INTS3: variants seen among roughly 807,000 people sequenced by gnomAD.
INTS3 encodes the protein SOSS complex subunit A.
In INTS3, 34 loss-of-function variants were observed where a neutral mutation model predicts 146.3. That is an observed-to-expected ratio of 0.23 (90% confidence interval 0.18 to 0.31). The LOEUF is 0.31. Among genes scored for constraint, INTS3 ranks in the 10% least tolerant of loss-of-function variants. The pLI is 1.00. For synonymous variants in INTS3, 475 were observed against 494.9 expected, an observed-to-expected ratio of 0.96 and a Z score of 0.53; for missense variants, 757 against 1,304.2, an observed-to-expected ratio of 0.58 and a Z score of 6.46.
At chr1:153,729,689 A>G (rs1670992139) in intron 1 of INTS3, among the ~76,000 whole-genome samples, 1 of 152,100 alleles carries the variant, frequency 6.6e-6, no homozygotes, top group Non-Finnish European at 1.5e-5. Context: ...AACATGGTGA[A>G]ACCCCGTCTC....
chr1:153,763,951 G>T, intron 17 of INTS3, 65 bp downstream of exon 17: 1 of 1,500,594 alleles, frequency 6.7e-7, no homozygotes, highest in South Asian at 1.1e-5. Flanking sequence ...ACGTCTCCCA[G>T]GGAAGACAAC....
rs781015200 is a variant in INTS3 at position 153,764,183 on chromosome 1, C to T, written c.1887C>T (p.His629=). The T allele has an allele frequency of 6.2e-7, 1 of 1,613,988 alleles. No individual in the cohort carries two copies. The highest frequency in any genetic ancestry group is 8.5e-7 in the Non-Finnish European group (1 of 1,179,912). The part of the protein sequence containing the change: ...ASCLQELFKA[H]FRGEVLPEEI... ...GCCTACAGGAGCTCTTCAAGGCCCACTTTCGAGGGGAGGTCCTGCCTGAGG... is the reference window on the plus strand; with the variant it reads ...GCCTACAGGAGCTCTTCAAGGCCCATTTTCGAGGGGAGGTCCTGCCTGAGG... The change falls in exon 18 of 30, where the codon CAC becomes CAT. Residue 629 remains histidine (H), a synonymous_variant. Coordinates refer to ENST00000318967, the MANE Select transcript of INTS3 (RefSeq NM_023015.5).
chr1:153,771,896 G>C lies in INTS3; in HGVS notation c.2653G>C (p.Glu885Gln). The stretch of plus-strand genomic sequence containing the variant: ...GCGGCACTGGTGCATGAAACATGAC[G>C]AGCTGCTGGCCGAGCACATCAAGTC... ...ILRHWCMKHDELLAEHIKSLL... is the reference protein window; with the variant it reads ...ILRHWCMKHDQLLAEHIKSLL... The change falls in exon 26 of 30, where the codon GAG becomes CAG. Residue 885 changes from glutamate (E) to glutamine (Q), a missense_variant. This residue lies in a region of INTS3 where 116 missense variants were observed against 226.5 expected (regional missense o/e 0.51). Transcript: ENST00000318967. 3 of 1,614,128 alleles carry C rather than the reference G, an allele frequency of 1.9e-6. No homozygotes were observed. Among genetic ancestry groups the C allele is most frequent in the South Asian group, 1.1e-5 (1 of 91,084 alleles).
At chr1:153,763,047 T>TG (rs1672443139) in intron 15 of INTS3, among the ~76,000 whole-genome samples, 186 bp from the exon 16 acceptor site, 1 of 152,258 alleles carries the variant, frequency 6.6e-6, no homozygotes, top group Non-Finnish European at 1.5e-5. Flanking sequence ...AAGTGGTTCC[T>TG]GCCCTTGTTT....
chr1:153,760,232 CAA>C (rs58951043), intron 11 of INTS3, 77 bp from the exon 12 acceptor site: 23,968 of 381,504 alleles, frequency 0.063, no homozygotes, highest in East Asian at 0.086. Flanking sequence ...GACTCTGTTT[CAA>C]AAAAAAAAAA....
intron 1 of INTS3, among the ~76,000 whole-genome samples, chr1:153,732,008 A>G (rs1443891653): frequency 1.4e-5 from 2 of 144,826 alleles, no homozygotes; most frequent in Non-Finnish European, 3.0e-5. Context: ...CCCGGGTTCA[A>G]GCGATTCTCC....
intron 1 of INTS3, among the ~76,000 whole-genome samples, chr1:153,736,520 C>T (rs1671299005): frequency 6.6e-6 from 1 of 150,830 alleles, no homozygotes; most frequent in Non-Finnish European, 1.5e-5. Context: ...AATCTTGGCT[C>T]ACTGCAACCT....
intron 16 of INTS3, 33 bp downstream of exon 16, chr1:153,763,395 G>A: frequency 1.9e-6 from 3 of 1,612,588 alleles, no homozygotes; most frequent in Non-Finnish European, 2.5e-6. Context: ...ACTTCAGGAG[G>A]TTCAGCCCCA....
intron 22 of INTS3, among the ~76,000 whole-genome samples, chr1:153,769,292 C>T (rs1182108239): frequency 6.6e-6 from 1 of 152,182 alleles, no homozygotes; most frequent in African/African-American, 2.4e-5. Flanking sequence ...ATGGTCAGAC[C>T]ATTTCTACTT....
Position 153,751,192 on chromosome 1 carries a change from C to T in INTS3, c.682C>T (p.Leu228=), listed in dbSNP as rs1190605414. Residue 228 remains leucine (L), a synonymous_variant, in exon 7 of 30, where the codon CTG becomes TTG. Transcript: ENST00000318967. ...DHHGTAQLQA[L]RQKEVDFCIS... is the part of the protein sequence containing the mutation. ...CCATGGGACTGCCCAGCTCCAGGCC[C>T]TGCGACAGAAGGAAGTAGACTTCTG... The T allele has an allele frequency of 1.2e-6, 2 of 1,614,166 alleles. No individual in the cohort carries two copies. Among genetic ancestry groups the T allele is most frequent in the South Asian group, 1.1e-5 (1 of 91,080 alleles).
At chr1:153,771,010 T>C (rs1672833365) in intron 25 of INTS3, among the ~76,000 whole-genome samples, 1 of 151,964 alleles carries the variant, frequency 6.6e-6, no homozygotes, top group South Asian at 2.1e-4. Flanking sequence ...GCAGTTCTAA[T>C]CCCTGGTGGC....
intron 8 of INTS3, among the ~76,000 whole-genome samples, chr1:153,754,269 C>T (rs148911303): frequency 6.6e-6 from 1 of 152,188 alleles, no homozygotes; most frequent in Non-Finnish European, 1.5e-5. Context: ...ATGCTCATGC[C>T]ACAAATAACA....
chr1:153,760,970 C>A, intron 13 of INTS3, 52 bp downstream of exon 13: 2 of 1,580,936 alleles, frequency 1.3e-6, no homozygotes, highest in Non-Finnish European at 1.7e-6. Context: ...TCATTAGGTC[C>A]AGGTGTATCC....
intron 7 of INTS3, 168 bp from the exon 8 acceptor site, chr1:153,752,111 C>T: frequency 1.4e-6 from 1 of 722,578 alleles, no homozygotes; most frequent in Non-Finnish European, 2.4e-6. Flanking sequence ...AGCTCTCTTC[C>T]CCTGAACAGC....
Position 153,736,516 on chromosome 1 carries a change from G to T in INTS3, c.151-4135G>T, listed in dbSNP as rs535618476. 3.3e-5 allele frequency among the ~76,000 whole-genome samples: 5 copies of T among 149,896 alleles called. No homozygotes were observed. The South Asian group carries it at 1.1e-3, about 32-fold the overall frequency. ...GGCTGGAGTGCAGTGGCGCAATCTT[G>T]GCTCACTGCAACCTCTGCCTCCCAG... On this transcript the variant is annotated intron_variant, in intron 1 of 29. Transcript: ENST00000318967.
Position 153,738,996 on chromosome 1 carries a change from C to T in INTS3, c.151-1655C>T, listed in dbSNP as rs895560975. The stretch of plus-strand genomic sequence containing the variant: ...GCAAACTCTGCCTCCCAGGTTCAAG[C>T]GATTCTCCTGCCTCAGCCTCCTGAG... On this transcript the variant is annotated intron_variant, in intron 1 of 29. Coordinates refer to ENST00000318967, the MANE Select transcript of INTS3 (RefSeq NM_023015.5). 4.0e-5 allele frequency among the ~76,000 whole-genome samples: 6 copies of T among 151,526 alleles called. No individual in the cohort carries two copies. The South Asian group carries it at 6.2e-4, about 16-fold the overall frequency.
chr1:153,767,343 T>C (rs371857688), intron 20 of INTS3: 2 of 258,192 alleles, frequency 7.7e-6, no homozygotes, highest in African/African-American at 4.4e-5. Flanking sequence ...GCCCTCATGG[T>C]TAGAGCCCAG....
intron 1 of INTS3, among the ~76,000 whole-genome samples, chr1:153,733,883 G>T (rs1266846517): frequency 6.6e-6 from 1 of 152,076 alleles, no homozygotes; most frequent in East Asian, 1.9e-4. Flanking sequence ...GACTACAGGC[G>T]TGAGCCACCA....
rs147301782 is a variant in INTS3 at position 153,728,717 on chromosome 1, C to A, written c.83C>A (p.Ala28Glu). 1.6e-5 allele frequency: 25 copies of A among 1,609,004 alleles called. No homozygotes were observed. Among genetic ancestry groups the A allele is most frequent in the Admixed American group, 5.1e-5 (3 of 59,402 alleles). ...AAGGGGGGAG[A>E]GAPGGGRLLL... ...GGAGGTGGAGGAGGAGGAGCGGGAG[C>A]AGGAGCCCCAGGAGGGGGGAGGCTG... Residue 28 changes from alanine (A) to glutamate (E), a missense_variant, in exon 1 of 30, where the codon GCA (alanine) becomes GAA (glutamate). Transcript: ENST00000318967.
Sources: allele counts gnomAD v4.1 joint callset (sites outside exome capture counted in the v4.1 genomes callset), GRCh38; gene constraint gnomAD v4.1.1; regional missense constraint gnomAD v4.1.1; transcripts MANE v1.5; gene names NCBI Gene and HGNC (gene_info 2026-07-23, HGNC 2026-07-21).